Variants in SEMA5A observed in about 807,000 individuals in gnomAD.
The protein encoded by SEMA5A is semaphorin-5A.
Under a neutral mutation model 135.5 loss-of-function variants are expected in SEMA5A, and 55 were observed. The observed-to-expected ratio is 0.41, with a 90% CI of 0.33 to 0.51. The LOEUF (loss-of-function observed/expected upper bound fraction) is 0.51, where lower values mean the gene tolerates loss of function less well. SEMA5A is among the 20% of genes least tolerant of loss of function. The pLI is 0.37. For missense variants in SEMA5A, 1,290 were observed against 1,419.9 expected (o/e 0.91, Z 1.47); for synonymous variants, 580 against 546.5 (o/e 1.06, Z -0.85).
intron 12 of SEMA5A, among the ~76,000 whole-genome samples, chr5:9,146,190 C>A (rs528568515): frequency 2.2e-4 from 33 of 152,226 alleles, no homozygotes; most frequent in Admixed American, 2.6e-4. Flanking sequence ...CCAGCCCAAG[C>A]CTACCTTGGA....
At chr5:9,187,302 A>C (rs1434523456) in intron 11 of SEMA5A, among the ~76,000 whole-genome samples, 1 of 152,194 alleles carries the variant, frequency 6.6e-6, no homozygotes, top group Non-Finnish European at 1.5e-5. Flanking sequence ...ACAGTGCTAT[A>C]AGAGTAAATG....
At chr5:9,102,970 G>A (rs1262141107) in intron 16 of SEMA5A, among the ~76,000 whole-genome samples, 10 of 152,154 alleles carry the variant, frequency 6.6e-5, no homozygotes, top group Admixed American at 4.6e-4. Context: ...TGAGAAATAC[G>A]ACTGGAGCTA....
In SEMA5A at chr5:9,108,222, C is replaced by G. The variant is rs199952121; in HGVS notation, c.1991G>C (p.Arg664Pro). The G allele has an allele frequency of 6.2e-7, 1 of 1,614,158 alleles. No homozygotes were observed. The highest frequency in any genetic ancestry group is 8.5e-7 in the Non-Finnish European group (1 of 1,180,032). ...GCCACCCCCGCATTGGGCTGTGCAC[C>G]GTTCCCAAGGACCCCAGCCTGTCCA... is the stretch of plus-strand genomic sequence containing the variant. ...MFWTGWGPWE[R>P]CTAQCGGGIQ... The change falls in exon 16 of 23, where the codon CGG becomes CCG. Residue 664 changes from arginine to proline, a missense_variant. Physicochemically the swap from Arg to Pro is moderately radical, Grantham distance 103. Transcript: ENST00000382496.
intron 8 of SEMA5A, among the ~76,000 whole-genome samples, chr5:9,214,009 G>A (rs1746482521): frequency 1.3e-5 from 2 of 152,118 alleles, no homozygotes; most frequent in South Asian, 4.1e-4. Flanking sequence ...TGTGAGAAAG[G>A]GATGGAACAG....
intron 4 of SEMA5A, among the ~76,000 whole-genome samples, chr5:9,337,253 A>ATCTC (rs1264910440): frequency 6.6e-6 from 1 of 152,202 alleles, no homozygotes. Context: ...ACACATCAAG[A>ATCTC]TCTCTGGATC....
In SEMA5A at chr5:9,359,104, C is replaced by G. The variant is rs75298927; in HGVS notation, c.124+20719G>C. On this transcript the variant is annotated intron_variant, in intron 3 of 22. Coordinates refer to ENST00000382496, the MANE Select transcript of SEMA5A (RefSeq NM_003966.3). The stretch of plus-strand genomic sequence containing the variant: ...AGCACCCAAACCAGACACATACACA[C>G]TCACGGACACACACACAAAGCAGGA... Among the ~76,000 whole-genome samples, 1,064 of 152,220 alleles carry G rather than the reference C, an allele frequency of 7.0e-3. 8 individuals are homozygous for G. Among genetic ancestry groups the G allele is most frequent in the African/African-American group, 0.024 (999 of 41,502 alleles).
intron 11 of SEMA5A, among the ~76,000 whole-genome samples, chr5:9,189,455 G>T (rs40701): frequency 6.6e-6 from 1 of 150,990 alleles, no homozygotes; most frequent in Non-Finnish European, 1.5e-5. Flanking sequence ...GGAATTGAGA[G>T]GTTCTTAGAA....
At chr5:9,475,472 G>C (rs1759636935) in intron 1 of SEMA5A, among the ~76,000 whole-genome samples, 1 of 152,154 alleles carries the variant, frequency 6.6e-6, no homozygotes, top group Non-Finnish European at 1.5e-5. Context: ...CTAATTTTGA[G>C]CAGGTCAAAG....
At chr5:9,420,411 G>T (rs751804227) in intron 2 of SEMA5A, among the ~76,000 whole-genome samples, 4 of 152,122 alleles carry the variant, frequency 2.6e-5, no homozygotes, top group Non-Finnish European at 5.9e-5. Context: ...GAGCCTTTTT[G>T]ACTTGCACAG....
At chr5:9,083,124 G>A (rs978277235) in intron 16 of SEMA5A, among the ~76,000 whole-genome samples, 1 of 152,192 alleles carries the variant, frequency 6.6e-6, no homozygotes, top group Non-Finnish European at 1.5e-5. Context: ...TTTGGAACAT[G>A]CACAGCTATG....
intron 12 of SEMA5A, among the ~76,000 whole-genome samples, chr5:9,143,873 AG>A (rs1410835658): frequency 1.3e-5 from 2 of 152,208 alleles, no homozygotes; most frequent in Admixed American, 1.3e-4. Flanking sequence ...CTTTCTAGAA[AG>A]GCCAAGACTG....
At chr5:9,275,844 A>G (rs775044200) in intron 5 of SEMA5A, among the ~76,000 whole-genome samples, 5 of 152,178 alleles carry the variant, frequency 3.3e-5, no homozygotes, top group Non-Finnish European at 7.3e-5. Context: ...AAATAATAAG[A>G]GCTATTTATG....
intron 1 of SEMA5A, among the ~76,000 whole-genome samples, chr5:9,509,228 T>C (rs1339004747): frequency 6.6e-6 from 1 of 151,390 alleles, no homozygotes; most frequent in African/African-American, 2.4e-5. Flanking sequence ...TAAGTACCCA[T>C]TGCCTGACAC....
chr5:9,307,632 T>C (rs569629296), intron 5 of SEMA5A, among the ~76,000 whole-genome samples: 2 of 152,290 alleles, frequency 1.3e-5, no homozygotes, highest in East Asian at 3.9e-4. Context: ...TTTCCTGGTA[T>C]GTTGGCTTAT....
intron 16 of SEMA5A, among the ~76,000 whole-genome samples, chr5:9,084,658 CTT>C (rs1210049919): frequency 1.3e-5 from 2 of 152,162 alleles, no homozygotes; most frequent in African/African-American, 2.4e-5. Flanking sequence ...CAATAAACCT[CTT>C]TCTTTTGTAA....
intron 5 of SEMA5A, among the ~76,000 whole-genome samples, chr5:9,311,171 TAGA>T (rs1752113660): frequency 6.6e-6 from 1 of 151,912 alleles, no homozygotes; most frequent in Non-Finnish European, 1.5e-5. Flanking sequence ...CTGTGCATTG[TAGA>T]AGGTTTGGTA....
chr5:9,279,696 A>G (rs772383909), intron 5 of SEMA5A, among the ~76,000 whole-genome samples: 1 of 152,096 alleles, frequency 6.6e-6, no homozygotes, highest in Non-Finnish European at 1.5e-5. Flanking sequence ...GTGAGTTCTC[A>G]TGAGATCTGA....
chr5:9,307,099 CA>C (rs1047938986), intron 5 of SEMA5A, among the ~76,000 whole-genome samples: 26 of 152,100 alleles, frequency 1.7e-4, no homozygotes, highest in African/African-American at 6.3e-4. Context: ...TGAGTATTGC[CA>C]AAAATTGAAA....
At chr5:9,453,672 TG>T (rs1758728921) in intron 1 of SEMA5A, among the ~76,000 whole-genome samples, 1 of 152,212 alleles carries the variant, frequency 6.6e-6, no homozygotes, top group South Asian at 2.1e-4. Flanking sequence ...GACAAAAATA[TG>T]GTGACCAGAG....
Sources: gnomAD v4.1 joint callset for allele counts (sites outside exome capture counted in the v4.1 genomes callset) on GRCh38, gnomAD v4.1.1 for gene constraint, MANE v1.5 for transcripts, NCBI Gene and HGNC (gene_info 2026-07-23, HGNC 2026-07-21) for gene names.